USH2A: variants seen among roughly 807,000 people sequenced by gnomAD.
USH2A encodes usherin.
In USH2A, 443 loss-of-function variants were observed where a neutral mutation model predicts 538.9. The observed-to-expected ratio is 0.82, with a 90% CI of 0.76 to 0.89. The LOEUF (loss-of-function observed/expected upper bound fraction) is 0.89. USH2A is among the 40% of genes least tolerant of loss of function. The pLI is 0.00. For missense variants in USH2A, 6,633 were observed against 6,324.8 expected (o/e 1.05, Z -1.65); for synonymous variants, 2,413 against 2,273.5 (o/e 1.06, Z -1.75).
chr1:216,107,743 T>C (rs971510985), intron 21 of USH2A, among the ~76,000 whole-genome samples: 3 of 151,286 alleles, frequency 2.0e-5, no homozygotes, highest in African/African-American at 7.3e-5. Flanking sequence ...TACCTTGTTA[T>C]GGATTAGAGG....
At chr1:216,421,389 G>A (rs952342786) in intron 2 of USH2A, among the ~76,000 whole-genome samples, 1 of 152,010 alleles carries the variant, frequency 6.6e-6, no homozygotes, top group South Asian at 2.1e-4. Flanking sequence ...GCTCTTCTTG[G>A]GGAAACGAGG....
At chr1:215,937,342 A>C (rs1374401030) in intron 37 of USH2A, among the ~76,000 whole-genome samples, 1 of 152,128 alleles carries the variant, frequency 6.6e-6, no homozygotes, top group East Asian at 1.9e-4. Context: ...TTCATTATGC[A>C]CTAAAAAGAC....
chr1:215,862,745 A>G (rs2102436495), intron 44 of USH2A, among the ~76,000 whole-genome samples: 1 of 152,298 alleles, frequency 6.6e-6, no homozygotes, highest in East Asian at 1.9e-4. Flanking sequence ...TTAAACATAT[A>G]TTATTTCATT....
intron 56 of USH2A, among the ~76,000 whole-genome samples, chr1:215,762,496 CT>C (rs1019219708): frequency 2.0e-5 from 3 of 152,128 alleles, no homozygotes; most frequent in African/African-American, 7.2e-5. Flanking sequence ...GGCAAAAGCT[CT>C]TTTCAAGTTG....
chr1:216,246,004 A>G (rs539764268), intron 13 of USH2A, among the ~76,000 whole-genome samples: 1 of 152,352 alleles, frequency 6.6e-6, no homozygotes, highest in East Asian at 1.9e-4. Context: ...AAATGTAAGG[A>G]GAGCCATAGA....
intron 38 of USH2A, among the ~76,000 whole-genome samples, chr1:215,903,273 A>G (rs1447368938): frequency 6.6e-6 from 1 of 152,130 alleles, no homozygotes; most frequent in African/African-American, 2.4e-5. Flanking sequence ...GATGCAGTGC[A>G]GTGCTGGGCA....
intron 54 of USH2A, among the ~76,000 whole-genome samples, chr1:215,781,321 T>C (rs1203210852): frequency 6.6e-6 from 1 of 152,204 alleles, no homozygotes; most frequent in Non-Finnish European, 1.5e-5. Flanking sequence ...TTTAAATATA[T>C]TTTTTACAAA....
chr1:215,969,398 G>A (rs1445894996), intron 36 of USH2A, among the ~76,000 whole-genome samples: 1 of 152,134 alleles, frequency 6.6e-6, no homozygotes, highest in Non-Finnish European at 1.5e-5. Context: ...CAGGATGCAG[G>A]TTGATAATGC....
intron 21 of USH2A, among the ~76,000 whole-genome samples, chr1:216,131,758 A>T (rs1447457650): frequency 6.6e-6 from 1 of 151,940 alleles, no homozygotes; most frequent in African/African-American, 2.4e-5. Context: ...CTCATTCTTC[A>T]CTTATTATCT....
intron 36 of USH2A, among the ~76,000 whole-genome samples, chr1:215,965,923 T>TCACACACACACA (rs34484768): frequency 3.5e-4 from 50 of 142,574 alleles, no homozygotes; most frequent in Middle Eastern, 3.4e-3. Context: ...CTCTTCTCTG[T>TCACACACACACA]CACACACACA....
intron 61 of USH2A, among the ~76,000 whole-genome samples, chr1:215,722,919 T>C (rs1005889386): frequency 2.6e-5 from 4 of 152,192 alleles, no homozygotes; most frequent in African/African-American, 7.2e-5. Context: ...CAATGGCAGA[T>C]GCCAGTGAGA....
At chr1:216,156,416 T>G (rs1246056804) in intron 21 of USH2A, among the ~76,000 whole-genome samples, 1 of 151,900 alleles carries the variant, frequency 6.6e-6, no homozygotes, top group Non-Finnish European at 1.5e-5. Context: ...CACATCTTAT[T>G]TTTGGACTTT....
chr1:216,319,905 G>T (rs2037574381), intron 9 of USH2A, among the ~76,000 whole-genome samples: 1 of 152,158 alleles, frequency 6.6e-6, no homozygotes, highest in Non-Finnish European at 1.5e-5. Context: ...TCACAGAGAA[G>T]TGAAGTAACT....
At chr1:216,016,624 C>T (rs1268741158) in intron 32 of USH2A, among the ~76,000 whole-genome samples, 1 of 152,126 alleles carries the variant, frequency 6.6e-6, no homozygotes, top group Non-Finnish European at 1.5e-5. Flanking sequence ...TGTAAGCATC[C>T]TTATACCAGT....
chr1:216,338,465 G>GA (rs1175887699), intron 4 of USH2A, among the ~76,000 whole-genome samples: 1 of 151,342 alleles, frequency 6.6e-6, no homozygotes, highest in Non-Finnish European at 1.5e-5. Flanking sequence ...ATTAATTTCA[G>GA]AAAAAATAGA....
At chr1:215,828,847 C>T (rs1663235223) in intron 47 of USH2A, among the ~76,000 whole-genome samples, 1 of 152,174 alleles carries the variant, frequency 6.6e-6, no homozygotes, top group South Asian at 2.1e-4. Flanking sequence ...CTTAGTGTCT[C>T]CATTTATGGG....
intron 35 of USH2A, among the ~76,000 whole-genome samples, chr1:215,989,892 G>T (rs1667964280): frequency 6.6e-6 from 1 of 152,088 alleles, no homozygotes; most frequent in Non-Finnish European, 1.5e-5. Flanking sequence ...ATACCCAGGG[G>T]TATTTTGATG....
chr1:215,930,010 T>C (rs897617665), intron 38 of USH2A, among the ~76,000 whole-genome samples: 5 of 152,034 alleles, frequency 3.3e-5, no homozygotes, highest in African/African-American at 1.2e-4. Context: ...TTTTCAATTT[T>C]TGGTTCTCTA....
intron 21 of USH2A, among the ~76,000 whole-genome samples, chr1:216,126,280 A>G (rs2033253304): frequency 6.6e-6 from 1 of 151,896 alleles, no homozygotes; most frequent in African/African-American, 2.4e-5. Context: ...TTGGAGTGCA[A>G]TGGCGGGATC....
Sources: gnomAD v4.1 joint callset for allele counts (sites outside exome capture counted in the v4.1 genomes callset) on GRCh38, gnomAD v4.1.1 for gene constraint, MANE v1.5 for transcripts, NCBI Gene and HGNC (gene_info 2026-07-23, HGNC 2026-07-21) for gene names.